Variants in MEIS1 observed in about 807,000 individuals in gnomAD.
MEIS1 encodes Meis homeobox 1.
In MEIS1, 5 loss-of-function variants were observed where a neutral mutation model predicts 50.8. The observed-to-expected ratio is 0.10, with a 90% confidence interval of 0.05 to 0.21. The LOEUF (loss-of-function observed/expected upper bound fraction) is 0.21. MEIS1 is among the 10% of genes least tolerant of loss of function. The probability of loss-of-function intolerance (pLI) is 1.00; values close to 1 mark genes in which losing one functional copy is unlikely to be tolerated. For synonymous variants in MEIS1, 176 were observed against 179.3 expected, an observed-to-expected ratio of 0.98 and a Z score of 0.15; for missense variants, 318 against 517.3, an observed-to-expected ratio of 0.61 and a Z score of 3.74.
Position 66,572,269 on chromosome 2 carries a change from A to C in MEIS1, c.*1061A>C, listed in dbSNP as rs1056102337. On this transcript the variant is annotated 3_prime_UTR_variant, in exon 13 of 13. Transcript: ENST00000272369. ...TCAAGCATCATTGTCCCCATGCAAC[A>C]ACCACCACCTTATACATCACTTCCT... The C allele has an allele frequency of 1.3e-5, 2 of 152,160 alleles. No homozygotes were observed. Among genetic ancestry groups the C allele is most frequent in the African/African-American group, 4.8e-5 (2 of 41,366 alleles). The allele number at this position is 152,160 out of a possible 1,614,324, so 9.4% of individuals were successfully genotyped here.
chr2:66,489,569 A>G (rs1042835281), intron 7 of MEIS1, among the ~76,000 whole-genome samples: 1 of 152,182 alleles, frequency 6.6e-6, no homozygotes, highest in African/African-American at 2.4e-5. Context: ...TAAGCATGGC[A>G]TTGTGGAGAA....
At chr2:66,547,493 G>T (rs1674819093) in intron 8 of MEIS1, among the ~76,000 whole-genome samples, 2 of 152,118 alleles carry the variant, frequency 1.3e-5, no homozygotes, top group Admixed American at 6.6e-5. Context: ...TGGCAATATG[G>T]TGTTTTAGAG....
chr2:66,530,567 T>G (rs908742587), intron 8 of MEIS1, among the ~76,000 whole-genome samples: 1 of 152,044 alleles, frequency 6.6e-6, no homozygotes, highest in African/African-American at 2.4e-5. Flanking sequence ...ACAAAAAAAA[T>G]TAGCCGGGCG....
chr2:66,473,884 T>C (rs1672828251), intron 7 of MEIS1, among the ~76,000 whole-genome samples: 1 of 152,106 alleles, frequency 6.6e-6, no homozygotes, highest in South Asian at 2.1e-4. Context: ...GACAACAAAA[T>C]CTTCAGATGC....
At chr2:66,551,614 G>A (rs557620973) in intron 9 of MEIS1, among the ~76,000 whole-genome samples, 10 of 151,798 alleles carry the variant, frequency 6.6e-5, no homozygotes, top group African/African-American at 2.4e-4. Context: ...AATAATTTGA[G>A]TAAAATATTT....
intron 6 of MEIS1, among the ~76,000 whole-genome samples, chr2:66,463,585 C>T (rs1330131198): frequency 2.0e-5 from 3 of 152,162 alleles, no homozygotes; most frequent in Non-Finnish European, 4.4e-5. Context: ...GTGCCTATGC[C>T]TGGTCCATTT....
At chr2:66,521,204 A>G (rs944795806) in intron 8 of MEIS1, among the ~76,000 whole-genome samples, 4 of 152,224 alleles carry the variant, frequency 2.6e-5, no homozygotes, top group Admixed American at 6.5e-5. Context: ...CAGATTTTCA[A>G]CATTATTTAA....
chr2:66,496,477 G>A (rs1182473562), intron 7 of MEIS1, among the ~76,000 whole-genome samples: 3 of 152,158 alleles, frequency 2.0e-5, no homozygotes, highest in Non-Finnish European at 4.4e-5. Flanking sequence ...TAGTGTGCAC[G>A]GGGGTCTCAG....
intron 8 of MEIS1, among the ~76,000 whole-genome samples, chr2:66,515,144 G>A (rs1255231315): frequency 2.0e-5 from 3 of 152,096 alleles, no homozygotes. Flanking sequence ...ATTCTTGCTA[G>A]ATGTAAAAAA....
Position 66,550,803 on chromosome 2 carries a change from CATTTTTTATAAA to C in MEIS1, c.965+2786_965+2797del, listed in dbSNP as rs572490805. 6.0e-4 allele frequency among the ~76,000 whole-genome samples: 91 copies of C among 152,158 alleles called. 1 individual carries two copies. The South Asian group carries it at 7.3e-3, about 12-fold the overall frequency. ...GTGAGCTACTGCACCCACTTATAAACATTTTTTATAAAAAATGTTTTTCATCTTAGCTATACT... is the reference window on the plus strand; with the variant it reads ...GTGAGCTACTGCACCCACTTATAAACAAATGTTTTTCATCTTAGCTATACT... On this transcript the variant is annotated intron_variant, in intron 9 of 12. Transcript: ENST00000272369.
At chr2:66,559,525 A>C (rs1675158939) in intron 9 of MEIS1, among the ~76,000 whole-genome samples, 1 of 152,222 alleles carries the variant, frequency 6.6e-6, no homozygotes, top group Non-Finnish European at 1.5e-5. Context: ...CTTCTTGTGA[A>C]TATGGAAAAA....
chr2:66,524,039 C>A (rs1318422338), intron 8 of MEIS1, among the ~76,000 whole-genome samples: 1 of 152,126 alleles, frequency 6.6e-6, no homozygotes, highest in East Asian at 1.9e-4. Flanking sequence ...TGTCAGAGAC[C>A]AAAATTTGCT....
At chr2:66,474,932 GA>G (rs1357301797) in intron 7 of MEIS1, among the ~76,000 whole-genome samples, 1 of 151,954 alleles carries the variant, frequency 6.6e-6, no homozygotes, top group Non-Finnish European at 1.5e-5. Context: ...AAGAAAAAGA[GA>G]ACTACAGAGT....
intron 7 of MEIS1, among the ~76,000 whole-genome samples, chr2:66,495,107 T>G (rs1469841944): frequency 4.3e-5 from 6 of 139,042 alleles, no homozygotes; most frequent in Non-Finnish European, 9.1e-5. Context: ...TTTTTTTTTT[T>G]TAAACTAAGG....
chr2:66,450,759 G>T (rs527734127), intron 6 of MEIS1, among the ~76,000 whole-genome samples: 9 of 152,106 alleles, frequency 5.9e-5, no homozygotes, highest in Non-Finnish European at 1.3e-4. Flanking sequence ...GGCCACATAA[G>T]CTAGCTTAGA....
At chr2:66,440,636 TC>T in intron 4 of MEIS1, 24 bp downstream of exon 4, 1 of 1,290,392 alleles carries the variant, frequency 7.7e-7, no homozygotes, top group Non-Finnish European at 1.1e-6. Context: ...CCTATTTCCC[TC>T]CCCCGCCCCC....
chr2:66,547,405 G>T (rs1674817085), intron 8 of MEIS1, among the ~76,000 whole-genome samples: 1 of 151,488 alleles, frequency 6.6e-6, no homozygotes, highest in Admixed American at 6.6e-5. Flanking sequence ...TGTTTTTTTT[G>T]CTGAGGACTG....
intron 6 of MEIS1, among the ~76,000 whole-genome samples, chr2:66,453,193 C>A (rs746438476): frequency 1.3e-5 from 2 of 151,730 alleles, no homozygotes; most frequent in Non-Finnish European, 3.0e-5. Context: ...AAAGAACATG[C>A]CAATAGAAAA....
At chr2:66,437,681 C>T (rs1034273836) in intron 1 of MEIS1, 56 bp from the exon 2 acceptor site, 1 of 1,532,878 alleles carries the variant, frequency 6.5e-7, no homozygotes. Context: ...CCTTGCCGTT[C>T]TCCCATTTGC....
Sources: allele counts gnomAD v4.1 joint callset (sites outside exome capture counted in the v4.1 genomes callset), GRCh38; gene constraint gnomAD v4.1.1; transcripts MANE v1.5; gene names NCBI Gene and HGNC (gene_info 2026-07-23, HGNC 2026-07-21).